MYZAP: variants seen among roughly 807,000 people sequenced by gnomAD.
The protein encoded by MYZAP is myocardial zonula adherens protein.
A neutral mutation model predicts 69.4 loss-of-function variants in MYZAP; 66 were observed. The ratio of observed to expected loss-of-function variants is 0.95; its 90% CI spans 0.78 to 1.17. The LOEUF is 1.17. Among genes scored for constraint, MYZAP ranks in the 50% most tolerant of loss-of-function variants. MYZAP has a pLI of 0.00. For missense variants in MYZAP, 611 were observed against 556.2 expected, an observed-to-expected ratio of 1.10 and a Z score of -0.99; for synonymous variants, 256 against 205.9, an observed-to-expected ratio of 1.24 and a Z score of -2.09.
At chr15:57,646,135 A>G (rs1462044046) in intron 10 of MYZAP, 2 of 1,289,114 alleles carry the variant, frequency 1.6e-6, no homozygotes, top group African/African-American at 1.5e-5. Context: ...AACTGTCTCC[A>G]GATCATGTCG....
Position 57,592,028 on chromosome 15 carries a change from C to T in MYZAP, c.-7C>T. On this transcript the variant is annotated 5_prime_UTR_variant, in exon 1 of 13. Coordinates refer to ENST00000267853, the MANE Select transcript of MYZAP (RefSeq NM_001018100.5). Reference sequence around the variant, plus strand: ...GCGTCCAGCCCGCTACCGACCGCCGCTGCGGGATGCTGCGCTCCACGTCCA... The same window carrying T: ...GCGTCCAGCCCGCTACCGACCGCCGTTGCGGGATGCTGCGCTCCACGTCCA... 1 of 1,435,398 alleles carries T rather than the reference C, an allele frequency of 7.0e-7. No homozygotes were observed. The highest frequency in any genetic ancestry group is 9.1e-7 in the Non-Finnish European group (1 of 1,098,696). The allele number at this position is 1,435,398 out of a possible 1,614,324, so 88.9% of individuals were successfully genotyped here. A position where few individuals can be genotyped will look rare whatever the true frequency, so the allele number is the denominator to read the frequency against.
At chr15:57,676,420 GTGTATATATATATATGTA>G (rs759859698) in intron 12 of MYZAP, among the ~76,000 whole-genome samples, 8,066 of 33,176 alleles carry the variant, frequency 0.24, 357 homozygotes, top group African/African-American at 0.26. Flanking sequence ...GTATATATAT[GTGTATATATATATATGTA>G]TATATATATA....
intron 10 of MYZAP, among the ~76,000 whole-genome samples, chr15:57,653,954 A>G (rs1384154256): frequency 2.4e-5 from 3 of 125,958 alleles, no homozygotes; most frequent in East Asian, 5.8e-4. Context: ...GCCGTGAGCT[A>G]TGATTGTAGC....
intron 1 of MYZAP, among the ~76,000 whole-genome samples, chr15:57,593,006 G>C (rs556010270): frequency 6.4e-4 from 97 of 152,258 alleles, no homozygotes; most frequent in African/African-American, 2.2e-3. Context: ...TTCTGTCTGC[G>C]TGCAGGCTTG....
chr15:57,599,856 A>G (rs752534245), intron 1 of MYZAP, among the ~76,000 whole-genome samples: 2 of 152,134 alleles, frequency 1.3e-5, no homozygotes. Context: ...GATTCAGAGT[A>G]CCTTTTAGAC....
At chr15:57,640,453 G>A (rs545005778) in intron 10 of MYZAP, among the ~76,000 whole-genome samples, 13 of 152,288 alleles carry the variant, frequency 8.5e-5, no homozygotes, top group African/African-American at 2.2e-4. Flanking sequence ...CAAACATTTG[G>A]TTGGCAGTGG....
chr15:57,609,147 T>C (rs1008776789), intron 2 of MYZAP, among the ~76,000 whole-genome samples: 1 of 152,106 alleles, frequency 6.6e-6, no homozygotes, highest in South Asian at 2.1e-4. Flanking sequence ...AGAAATGAGG[T>C]TGAGTCTTTT....
At chr15:57,624,368 G>A (rs2035998853) in intron 4 of MYZAP, among the ~76,000 whole-genome samples, 2 of 152,074 alleles carry the variant, frequency 1.3e-5, no homozygotes, top group African/African-American at 4.8e-5. Flanking sequence ...ATAGGAGTGG[G>A]GCTACGTAAA....
At chr15:57,616,459 G>T (rs1183852766) in intron 2 of MYZAP, among the ~76,000 whole-genome samples, 1 of 152,146 alleles carries the variant, frequency 6.6e-6, no homozygotes, top group East Asian at 1.9e-4. Context: ...CCAACATGAT[G>T]AAACCCCGTC....
chr15:57,676,074 G>C (rs2039098153), intron 12 of MYZAP, among the ~76,000 whole-genome samples: 3 of 152,110 alleles, frequency 2.0e-5, no homozygotes, highest in South Asian at 2.1e-4. Context: ...TGTCCTACCA[G>C]CCAGCAGCAG....
chr15:57,646,038 A>G, intron 10 of MYZAP: 1 of 622,668 alleles, frequency 1.6e-6, no homozygotes, highest in Non-Finnish European at 2.6e-6. Context: ...GAGGATTTCA[A>G]GTACTTCTCA....
At chr15:57,662,008 A>G (rs1019509605) in intron 11 of MYZAP, among the ~76,000 whole-genome samples, 2 of 152,222 alleles carry the variant, frequency 1.3e-5, no homozygotes, top group African/African-American at 4.8e-5. Flanking sequence ...TGTCAGAGCC[A>G]GGCTGAAAGA....
chr15:57,678,753 G>T (rs1481885036), intron 12 of MYZAP, among the ~76,000 whole-genome samples: 2 of 152,086 alleles, frequency 1.3e-5, no homozygotes, highest in Non-Finnish European at 2.9e-5. Context: ...TGGGGCACTT[G>T]TCTTATTGTA....
At position 57,604,001 on chromosome 15, in the gene MYZAP, G is replaced by A. The variant is rs116406769; in HGVS notation, c.76-268G>A. On this transcript the variant is annotated intron_variant, in intron 1 of 12. Transcript: ENST00000267853. ...CTATACATATTCTTATGGAAACTGA[G>A]CCATTGGTAAAGAAATGTTTGAAAT... Among the ~76,000 whole-genome samples, 1,467 of 152,312 alleles carry A rather than the reference G, an allele frequency of 9.6e-3. 33 individuals are homozygous for A. Among genetic ancestry groups the A allele is most frequent in the African/African-American group, 0.033 (1,383 of 41,566 alleles).
At chr15:57,674,328 G>T (rs1369447989) in intron 11 of MYZAP, among the ~76,000 whole-genome samples, 2 of 152,052 alleles carry the variant, frequency 1.3e-5, no homozygotes, top group African/African-American at 4.8e-5. Context: ...GTTTGGCTCT[G>T]GCCCGAAAGA....
intron 10 of MYZAP, among the ~76,000 whole-genome samples, chr15:57,658,061 G>A (rs2038092122): frequency 6.6e-6 from 1 of 152,060 alleles, no homozygotes. Flanking sequence ...TACTTTTCAT[G>A]TCAAAGGATT....
intron 2 of MYZAP, among the ~76,000 whole-genome samples, chr15:57,607,304 A>G (rs1595859097): frequency 6.6e-6 from 1 of 152,060 alleles, no homozygotes; most frequent in Non-Finnish European, 1.5e-5. Flanking sequence ...GGGCTGGAGG[A>G]CCCTGGAGGG....
intron 11 of MYZAP, among the ~76,000 whole-genome samples, chr15:57,669,617 T>G (rs12440250): frequency 0.91 from 138,099 of 152,124 alleles, 63,582 homozygotes; most frequent in Non-Finnish European, 0.98. Context: ...TCTCCATTGC[T>G]TGTCTGCTTT....
intron 6 of MYZAP, among the ~76,000 whole-genome samples, chr15:57,632,026 A>C (rs1222966766): frequency 3.3e-5 from 5 of 152,182 alleles, no homozygotes; most frequent in Non-Finnish European, 7.4e-5. Context: ...GCTAGGTTGG[A>C]ATGTTTCCAA....
Sources: gnomAD v4.1 joint callset for allele counts (sites outside exome capture counted in the v4.1 genomes callset) on GRCh38, gnomAD v4.1.1 for gene constraint, MANE v1.5 for transcripts, NCBI Gene and HGNC (gene_info 2026-07-23, HGNC 2026-07-21) for gene names.